Variants in POLR3A observed in about 807,000 individuals in gnomAD.
POLR3A encodes RNA polymerase III subunit A.
Under a neutral mutation model 152.8 loss-of-function variants are expected in POLR3A, and 112 were observed. That is an observed-to-expected ratio of 0.73 (90% CI 0.63 to 0.86). POLR3A has a LOEUF of 0.86. Among genes scored for constraint, POLR3A ranks in the 40% least tolerant of loss-of-function variants. The pLI, the probability that POLR3A is intolerant of heterozygous loss-of-function variation, is 0.00. For missense variants in POLR3A, 1,385 were observed against 1,743.1 expected (o/e 0.79, Z 3.66); for synonymous variants, 615 against 652.1 (o/e 0.94, Z 0.87).
At chr10:78,025,899 T>TC in intron 2 of POLR3A, 140 bp from the exon 3 acceptor site, 1 of 1,146,954 alleles carries the variant, frequency 8.7e-7, no homozygotes, top group Non-Finnish European at 1.3e-6. Flanking sequence ...CTACTGTTTT[T>TC]CTTTCTTTTC....
Position 77,982,195 on chromosome 10 carries a change from C to T in POLR3A, c.3718G>A (p.Gly1240Ser), listed in dbSNP as rs1003620056. 1.6e-5 allele frequency: 26 copies of T among 1,613,946 alleles called. No homozygotes were observed. Among genetic ancestry groups the T allele is most frequent in the East Asian group, 2.2e-5 (1 of 44,886 alleles). Residue 1240 changes from glycine to serine, a missense_variant, in exon 28 of 31, where the codon GGT (glycine) becomes AGT (serine). Gly to Ser is a moderately conservative substitution (Grantham distance 56, BLOSUM62 0). Around this residue, in one of 7 missense-constraint regions of POLR3A, gnomAD observed 332 missense variants for 400.1 expected, o/e 0.83. Coordinates refer to ENST00000372371, the MANE Select transcript of POLR3A (RefSeq NM_007055.4). ...DNLRAVMATH[G>S]VKGTRTTSNN... Reference sequence around the variant, plus strand: ...GAGGTGGTTCGGGTGCCCTTCACACCGTGTGTGGCCATGACTGCCCGCAGG... The same window carrying T: ...GAGGTGGTTCGGGTGCCCTTCACACTGTGTGTGGCCATGACTGCCCGCAGG...
At chr10:77,996,599 A>C (rs1248754487) in intron 19 of POLR3A, among the ~76,000 whole-genome samples, 1 of 152,184 alleles carries the variant, frequency 6.6e-6, no homozygotes, top group East Asian at 1.9e-4. Context: ...ACATCCTCCC[A>C]AGACTAAACC....
At position 78,026,233 on chromosome 10, in the gene POLR3A, G is replaced by C. The variant is rs1305118613; in HGVS notation, c.45-4C>G. 1 of 1,614,136 alleles carries C rather than the reference G, an allele frequency of 6.2e-7. No individual in the cohort carries two copies. The highest frequency in any genetic ancestry group is 1.7e-5 in the Admixed American group (1 of 60,018). On this transcript the variant is annotated splice_region_variant and splice_polypyrimidine_tract_variant and intron_variant, in intron 1 of 30. Coordinates refer to ENST00000372371, the MANE Select transcript of POLR3A (RefSeq NM_007055.4). ...CATTCCAAAACAGATGTGGCTTCTG[G>C]AATGGGAAGAAAAAGGTGAAAATTA...
Position 78,024,641 on chromosome 10 carries a change from CT to C in POLR3A, c.552del (p.Val185TrpfsTer34). On this transcript the variant is annotated frameshift_variant, in exon 5 of 31. Transcript: ENST00000372371. LOFTEE classifies it high-confidence loss of function. ...AAATTTGATACAATGGGATCCACCA[CT>C]TTTTTGTTGGTCTTGTATTTCTCAT... ...IIHEKYKTNK[K>X]VVDPIVSNFL... is the part of the protein sequence containing the mutation. The C allele has an allele frequency of 6.2e-7, 1 of 1,613,820 alleles. No homozygotes were observed. Among genetic ancestry groups the C allele is most frequent in the Non-Finnish European group, 8.5e-7 (1 of 1,179,732 alleles).
At chr10:78,017,857 G>A (rs1847539903) in intron 9 of POLR3A, 141 bp from the exon 10 acceptor site, 1 of 1,020,128 alleles carries the variant, frequency 9.8e-7, no homozygotes, top group African/African-American at 1.6e-5. Flanking sequence ...ATAGTTTTAT[G>A]TGCCAAGAAA....
At chr10:78,024,840 A>C (rs1847616337) in intron 4 of POLR3A, 131 bp downstream of exon 4, 1 of 1,331,440 alleles carries the variant, frequency 7.5e-7, no homozygotes, top group African/African-American at 1.4e-5. Context: ...ATAGGACATC[A>C]GTTGTTGGGC....
chr10:77,979,594 C>T (rs183359738), intron 30 of POLR3A, among the ~76,000 whole-genome samples: 181 of 152,308 alleles, frequency 1.2e-3, no homozygotes, highest in Admixed American at 7.6e-3. Flanking sequence ...CAGAGCAAGG[C>T]TCTGCTGGTG....
Position 77,996,798 on chromosome 10 carries a change from C to T in POLR3A, c.2616+3183G>A, listed in dbSNP as rs1449550109. The stretch of plus-strand genomic sequence containing the variant: ...ATCAATAGAAAAAGAGGGAATCCTC[C>T]CTAACTCATTTTATGAGGCCAGCAT... On this transcript the variant is annotated intron_variant, in intron 19 of 30. Coordinates refer to ENST00000372371, the MANE Select transcript of POLR3A (RefSeq NM_007055.4). 2.0e-5 allele frequency among the ~76,000 whole-genome samples: 3 copies of T among 152,302 alleles called. No individual in the cohort carries two copies. In the East Asian group the frequency reaches 5.8e-4, roughly 29 times the overall value.
chr10:77,982,391 A>G, intron 27 of POLR3A, 73 bp from the exon 28 acceptor site: 1 of 1,397,780 alleles, frequency 7.2e-7, no homozygotes, highest in East Asian at 2.3e-5. Flanking sequence ...TGATCACCCC[A>G]GCTTTCAGCA....
rs2131942066 is a variant in POLR3A at position 77,999,986 on chromosome 10, T to G, written c.2611A>C (p.Met871Leu). ...TAVKTAETGY[M>L]QRRLVKSLED... ...CCTACATTTCTTCAGGTTACCTGCA[T>G]GTATCCCGTTTCAGCTGTCTTTACA... The change falls in exon 19 of 31, where the codon ATG becomes CTG. Residue 871 changes from methionine (M) to leucine (L), a missense_variant. Around this residue, in one of 7 missense-constraint regions of POLR3A, gnomAD observed 178 missense variants for 204.6 expected, o/e 0.87. Coordinates refer to ENST00000372371, the MANE Select transcript of POLR3A (RefSeq NM_007055.4). The G allele has an allele frequency of 1.7e-5, 27 of 1,614,158 alleles. No individual in the cohort carries two copies. Among genetic ancestry groups the G allele is most frequent in the Non-Finnish European group, 2.2e-5 (26 of 1,179,986 alleles).
intron 28 of POLR3A, 81 bp downstream of exon 28, chr10:77,982,070 GTAT>G (rs1847151099): frequency 2.2e-6 from 1 of 454,880 alleles, no homozygotes; most frequent in African/African-American, 2.5e-5. Context: ...AAAAAAAGAA[GTAT>G]ACTGGGAATC....
chr10:77,985,378 A>G (rs201813062), intron 23 of POLR3A, 38 bp from the exon 24 acceptor site: 3 of 1,579,942 alleles, frequency 1.9e-6, no homozygotes, highest in Middle Eastern at 1.8e-4. Flanking sequence ...GCAGCATGCC[A>G]AAGAAAAGTC....
rs369019493 is a variant in POLR3A, at chr10:77,986,342, CCA to C, written c.2902-185_2902-184del. On this transcript the variant is annotated intron_variant, in intron 21 of 30. Transcript: ENST00000372371. ...ACAAAGTGGTTTTCCAAGGAACACA[CCA>C]CACTGTCCATACCCCAGACACACAC... Among the ~76,000 whole-genome samples, 47 of 152,254 alleles carry C rather than the reference CCA, an allele frequency of 3.1e-4. No homozygotes were observed. In the South Asian group the frequency reaches 7.5e-3, roughly 24 times the overall value.
chr10:78,015,725 T>C (rs912746831), intron 10 of POLR3A, among the ~76,000 whole-genome samples: 3 of 152,168 alleles, frequency 2.0e-5, no homozygotes, highest in African/African-American at 7.2e-5. Flanking sequence ...AGGCGTGATA[T>C]AGCACACTGT....
intron 10 of POLR3A, among the ~76,000 whole-genome samples, chr10:78,015,078 G>A (rs1847505860): frequency 6.6e-6 from 1 of 152,180 alleles, no homozygotes; most frequent in Non-Finnish European, 1.5e-5. Flanking sequence ...TATGAACTAG[G>A]TATGGACCTG....
intron 26 of POLR3A, 57 bp from the exon 27 acceptor site, chr10:77,982,874 C>T (rs759628094): frequency 3.6e-5 from 55 of 1,544,206 alleles, no homozygotes; most frequent in Non-Finnish European, 4.6e-5. Flanking sequence ...TCGTTTATTT[C>T]ATTGTTGCCC....
intron 21 of POLR3A, among the ~76,000 whole-genome samples, chr10:77,988,526 G>A (rs760700982): frequency 2.0e-5 from 3 of 152,026 alleles, no homozygotes; most frequent in East Asian, 3.9e-4. Context: ...TTATTAATTC[G>A]CAAGAACTTT....
At position 78,019,285 on chromosome 10, in the gene POLR3A, C is replaced by A; in HGVS notation, c.1186-20G>T. ...GTTTACCTGCAGTACAAAAAAACCA[C>A]AATAAGTTACTCCCAGGTAACTAGA... On this transcript the variant is annotated intron_variant, in intron 8 of 30. Coordinates refer to ENST00000372371, the MANE Select transcript of POLR3A (RefSeq NM_007055.4). The A allele has an allele frequency of 6.8e-7, 1 of 1,464,388 alleles. No homozygotes were observed. Among genetic ancestry groups the A allele is most frequent in the Non-Finnish European group, 9.6e-7 (1 of 1,044,356 alleles). The allele number at this position is 1,464,388 out of a possible 1,614,324, so 90.7% of individuals were successfully genotyped here. A position where few individuals can be genotyped will look rare whatever the true frequency, so the allele number is the denominator to read the frequency against.
intron 16 of POLR3A, among the ~76,000 whole-genome samples, chr10:78,003,279 T>C (rs1307324402): frequency 6.6e-6 from 1 of 152,238 alleles, no homozygotes; most frequent in Non-Finnish European, 1.5e-5. Context: ...AATGAGCTAA[T>C]GGTAAATACC....
Sources: allele counts gnomAD v4.1 joint callset (sites outside exome capture counted in the v4.1 genomes callset), GRCh38; gene constraint gnomAD v4.1.1; regional missense constraint gnomAD v4.1.1; transcripts MANE v1.5; gene names NCBI Gene and HGNC (gene_info 2026-07-23, HGNC 2026-07-21).